The following GRID2 variants were observed in gnomAD, a reference collection of about 807,000 sequenced individuals.
GRID2 encodes the protein glutamate ionotropic receptor delta type subunit 2, also known as glutamate receptor ionotropic, delta-2.
GRID2 carries 33 observed loss-of-function variants against 114.8 expected under a neutral mutation model. The ratio of observed to expected loss-of-function variants is 0.29; its 90% CI spans 0.22 to 0.38. The LOEUF (loss-of-function observed/expected upper bound fraction) is 0.38, where lower values mean the gene tolerates loss of function less well. Ranked by LOEUF, GRID2 falls within the 10% of genes least tolerant of loss-of-function variation. The pLI is 1.00. For missense variants in GRID2, 1,184 were observed against 1,257.7 expected (o/e 0.94, Z 0.89); for synonymous variants, 505 against 449.9 (o/e 1.12, Z -1.55).
At chr4:93,768,935 C>T (rs1002111448) in intron 14 of GRID2, among the ~76,000 whole-genome samples, 1 of 141,804 alleles carries the variant, frequency 7.1e-6, no homozygotes, top group Admixed American at 7.3e-5. Flanking sequence ...AGAATGAAAC[C>T]AGAAGAAGAA....
At chr4:93,353,925 T>C (rs1473459617) in intron 8 of GRID2, among the ~76,000 whole-genome samples, 1 of 151,954 alleles carries the variant, frequency 6.6e-6, no homozygotes, top group Non-Finnish European at 1.5e-5. Flanking sequence ...CAAACTTTGA[T>C]AACATCCAGT....
At chr4:93,575,376 A>G (rs1736322112) in intron 13 of GRID2, among the ~76,000 whole-genome samples, 1 of 152,216 alleles carries the variant, frequency 6.6e-6, no homozygotes, top group African/African-American at 2.4e-5. Flanking sequence ...CAAGATGATA[A>G]ATTTTCTAGT....
intron 1 of GRID2, among the ~76,000 whole-genome samples, chr4:92,510,649 T>C (rs566742527): frequency 6.6e-6 from 1 of 151,828 alleles, no homozygotes; most frequent in Admixed American, 6.6e-5. Context: ...TAGTGTTCTA[T>C]TGCACAGTAG....
intron 1 of GRID2, among the ~76,000 whole-genome samples, chr4:92,535,216 C>A (rs1725553001): frequency 6.6e-6 from 1 of 152,096 alleles, no homozygotes; most frequent in African/African-American, 2.4e-5. Flanking sequence ...TCTATATCTA[C>A]AATGTAGTTA....
At chr4:92,676,337 G>A (rs1733370104) in intron 2 of GRID2, among the ~76,000 whole-genome samples, 1 of 151,684 alleles carries the variant, frequency 6.6e-6, no homozygotes, top group Admixed American at 6.6e-5. Context: ...CCACCACAAC[G>A]CCCGGCTAAT....
chr4:93,149,316 A>G (rs1158868685), intron 4 of GRID2, among the ~76,000 whole-genome samples: 1 of 152,070 alleles, frequency 6.6e-6, no homozygotes. Context: ...GCTGACGCCT[A>G]TAATCCCAGC....
intron 2 of GRID2, among the ~76,000 whole-genome samples, chr4:92,983,892 G>T (rs544892698): frequency 6.6e-6 from 1 of 152,104 alleles, no homozygotes; most frequent in East Asian, 1.9e-4. Context: ...TAGGTCTAGT[G>T]AACTAATAGA....
chr4:92,951,226 C>A (rs1752009392), intron 2 of GRID2, among the ~76,000 whole-genome samples: 1 of 151,888 alleles, frequency 6.6e-6, no homozygotes. Context: ...TTTAAATGAG[C>A]CTTAAGTTTT....
At position 93,277,877 on chromosome 4, in the gene GRID2, T is replaced by C. The variant is rs1277272732; in HGVS notation, c.1245+39387T>C. Among the ~76,000 whole-genome samples, 4 of 151,944 alleles carry C rather than the reference T, an allele frequency of 2.6e-5. No individual in the cohort carries two copies. In the South Asian group the frequency reaches 6.2e-4, roughly 24 times the overall value. ...AATGAATGAACAGAGGGAACACGTA[T>C]TGAATTTTCAAGGAAGTATAAATCA... is the stretch of plus-strand genomic sequence containing the variant. On this transcript the variant is annotated intron_variant, in intron 8 of 15. Transcript: ENST00000282020.
chr4:93,186,102 T>C (rs964420091), intron 4 of GRID2, among the ~76,000 whole-genome samples: 3 of 152,230 alleles, frequency 2.0e-5, no homozygotes, highest in African/African-American at 7.2e-5. Flanking sequence ...GGCTGCATAG[T>C]ATTCCATGGT....
rs759655802 is a variant in GRID2, at chr4:93,084,979, C to T, written c.245-16C>T. ...AAACCCACTGACATTTTGAATATTACTGTGCTTTCTTGCAGCCTGTGAACT... is the reference window on the plus strand; with the variant it reads ...AAACCCACTGACATTTTGAATATTATTGTGCTTTCTTGCAGCCTGTGAACT... On this transcript the variant is annotated splice_polypyrimidine_tract_variant and intron_variant, in intron 2 of 15. Transcript: ENST00000282020. 3.7e-5 allele frequency: 59 copies of T among 1,608,060 alleles called. No homozygotes were observed. The highest frequency in any genetic ancestry group is 1.7e-5 in the Non-Finnish European group (20 of 1,175,130).
intron 14 of GRID2, among the ~76,000 whole-genome samples, chr4:93,654,947 T>G (rs568859396): frequency 6.6e-6 from 1 of 152,246 alleles, no homozygotes; most frequent in African/African-American, 2.4e-5. Flanking sequence ...TAATAAAAAC[T>G]ATGAGGAACT....
At chr4:92,931,245 A>G (rs565664736) in intron 2 of GRID2, among the ~76,000 whole-genome samples, 1 of 151,092 alleles carries the variant, frequency 6.6e-6, no homozygotes, top group East Asian at 1.9e-4. Flanking sequence ...AATAAAGGAG[A>G]AATAACTTAA....
At chr4:93,600,586 T>G (rs1181813779) in intron 13 of GRID2, among the ~76,000 whole-genome samples, 2 of 152,242 alleles carry the variant, frequency 1.3e-5, no homozygotes, top group East Asian at 3.9e-4. Context: ...GGCAAAAATG[T>G]GGAGTGACTA....
At chr4:92,723,409 TA>T (rs1325999812) in intron 2 of GRID2, among the ~76,000 whole-genome samples, 1 of 152,174 alleles carries the variant, frequency 6.6e-6, no homozygotes, top group Non-Finnish European at 1.5e-5. Context: ...GTATATGTTG[TA>T]AGAGTTGTGT....
At chr4:93,288,201 C>A (rs1205637068) in intron 8 of GRID2, among the ~76,000 whole-genome samples, 1 of 152,174 alleles carries the variant, frequency 6.6e-6, no homozygotes, top group Non-Finnish European at 1.5e-5. Flanking sequence ...GACAGAGATA[C>A]AGGCATCAAC....
chr4:93,555,181 C>T (rs1734188824), intron 13 of GRID2, among the ~76,000 whole-genome samples: 1 of 152,152 alleles, frequency 6.6e-6, no homozygotes, highest in African/African-American at 2.4e-5. Flanking sequence ...AACTGGGTGG[C>T]CACTTGGGCA....
In GRID2 at chr4:92,976,973, A is replaced by G. The variant is rs1020726519; in HGVS notation, c.245-108022A>G. Reference sequence around the variant, plus strand: ...CACAGATTAGCATCCATGACTGACTAAAGTACAATTTATAATAGCAGATCT... The same window carrying G: ...CACAGATTAGCATCCATGACTGACTGAAGTACAATTTATAATAGCAGATCT... On this transcript the variant is annotated intron_variant, in intron 2 of 15. Transcript: ENST00000282020. 5.9e-5 allele frequency among the ~76,000 whole-genome samples: 9 copies of G among 152,206 alleles called. No homozygotes were observed. In the South Asian group the frequency reaches 1.0e-3, roughly 17 times the overall value.
intron 13 of GRID2, among the ~76,000 whole-genome samples, chr4:93,579,126 A>G (rs1736722817): frequency 6.6e-6 from 1 of 152,062 alleles, no homozygotes; most frequent in African/African-American, 2.4e-5. Flanking sequence ...TGACATGTAC[A>G]TTTTTAGAAT....
Sources: allele counts gnomAD v4.1 joint callset (sites outside exome capture counted in the v4.1 genomes callset), GRCh38; gene constraint gnomAD v4.1.1; transcripts MANE v1.5; gene names NCBI Gene and HGNC (gene_info 2026-07-23, HGNC 2026-07-21).